Variants in P2RY6 observed in about 807,000 individuals in gnomAD.
The protein encoded by P2RY6 is P2Y purinoceptor 6.
A neutral mutation model predicts 16.3 loss-of-function variants in P2RY6; 19 were observed. The ratio of observed to expected loss-of-function variants is 1.16; its 90% CI spans 0.81 to 1.71. The LOEUF is 1.71. Among genes scored for constraint, P2RY6 ranks in the 40% most tolerant of loss-of-function variants. The pLI, the probability that P2RY6 is intolerant of heterozygous loss-of-function variation, is 0.00. For synonymous variants in P2RY6, 184 were observed against 201.5 expected (o/e 0.91, Z 0.74); for missense variants, 389 against 455.5 (o/e 0.85, Z 1.33).
Position 73,295,379 on chromosome 11 carries a change from T to C in P2RY6, c.-120-351T>C, listed in dbSNP as rs114720533. On this transcript the variant is annotated intron_variant, in intron 1 of 2. Transcript: ENST00000540124. ...AGCATGGAAGTGGGGGAGCAACATT[T>C]AAACCCAGGCCTGCCTAGCTCTGAA... is the stretch of plus-strand genomic sequence containing the variant. Among the ~76,000 whole-genome samples, 1,170 of 152,318 alleles carry C rather than the reference T, an allele frequency of 7.7e-3. 13 individuals carry two copies. The highest frequency in any genetic ancestry group is 0.025 in the African/African-American group (1,053 of 41,560).
upstream of P2RY6, among the ~76,000 whole-genome samples, chr11:73,269,102 G>T (rs117267386): frequency 3.3e-5 from 5 of 152,352 alleles, no homozygotes; most frequent in South Asian, 1.0e-3. Flanking sequence ...GGGGTAGGAC[G>T]TGAAGGTCAG....
upstream of P2RY6, among the ~76,000 whole-genome samples, chr11:73,271,008 C>T (rs1863281399): frequency 6.6e-6 from 1 of 152,222 alleles, no homozygotes; most frequent in Non-Finnish European, 1.5e-5. Flanking sequence ...AAACTAATCT[C>T]CCCTGCTAGA....
rs568889461 is a variant in P2RY6 at position 73,293,097 on chromosome 11, T to TA, written c.-120-2626dup. Among the ~76,000 whole-genome samples, 40 of 151,760 alleles carry TA rather than the reference T, an allele frequency of 2.6e-4. No homozygotes were observed. The South Asian group carries it at 7.5e-3, about 29-fold the overall frequency. ...AAGGGATTCCACCCAGCTGGGGGGATAAAAAAAGGAAGAAGCAAGGTGAGA... is the reference window on the plus strand; with the variant it reads ...AAGGGATTCCACCCAGCTGGGGGGATAAAAAAAAGGAAGAAGCAAGGTGAGA... On this transcript the variant is annotated intron_variant, in intron 1 of 2. Coordinates refer to ENST00000540124, the MANE Select transcript of P2RY6 (RefSeq NM_001277204.2).
chr11:73,266,115 A>G (rs1327442522), intron 1 of P2RY6, among the ~76,000 whole-genome samples: 1 of 152,162 alleles, frequency 6.6e-6, no homozygotes, highest in East Asian at 1.9e-4. Flanking sequence ...AGTGATTCCA[A>G]TAAGCTGTGT....
At chr11:73,286,763 G>A (rs116837995) in intron 1 of P2RY6, among the ~76,000 whole-genome samples, 1,907 of 152,178 alleles carry the variant, frequency 0.013, 46 homozygotes, top group African/African-American at 0.044. Context: ...AGGAAAGGGA[G>A]GGAGTCTGAC....
rs753716744 is a variant in P2RY6, at chr11:73,297,432, A to G, written c.914A>G (p.Gln305Arg). The G allele has an allele frequency of 3.1e-6, 5 of 1,612,442 alleles. No homozygotes were observed. In the Admixed American group the frequency reaches 6.7e-5, roughly 21 times the overall value. ...GACCCCATCCTCTTCTACTTCACCCAGAAGAAGTTCCGCCGGCGACCACAT... is the reference window on the plus strand; with the variant it reads ...GACCCCATCCTCTTCTACTTCACCCGGAAGAAGTTCCGCCGGCGACCACAT... ...VLDPILFYFT[Q>R]KKFRRRPHEL... The change falls in exon 3 of 3, where the codon CAG (glutamine) becomes CGG (arginine). Residue 305 changes from glutamine (Q) to arginine (R), a missense_variant. Physicochemically the swap from Gln to Arg is conservative, Grantham distance 43. Transcript: ENST00000540124.
upstream of P2RY6, chr11:73,271,626 A>G (rs1019221433): frequency 3.9e-5 from 6 of 152,324 alleles, no homozygotes; most frequent in Admixed American, 2.6e-4. Flanking sequence ...CAGGGGTCGA[A>G]TTTTAACTAC....
chr11:73,297,925 T>G lies in P2RY6; in HGVS notation c.*420T>G. ...TGGGTTTTGAGGGATGATTATGAGC[T>G]CTCTGGAGAGGAGTGATATTCCATT... On this transcript the variant is annotated 3_prime_UTR_variant, in exon 3 of 3. Transcript: ENST00000540124. The G allele has an allele frequency of 4.8e-6, 1 of 207,950 alleles. No individual in the cohort carries two copies. Among genetic ancestry groups the G allele is most frequent in the South Asian group, 1.3e-4 (1 of 7,456 alleles). The allele number at this position is 207,950 out of a possible 1,614,324, so 12.9% of individuals were successfully genotyped here. A position where few individuals can be genotyped will look rare whatever the true frequency, so the allele number is the denominator to read the frequency against.
At chr11:73,276,512 A>G (rs1054207749) in intron 1 of P2RY6, among the ~76,000 whole-genome samples, 6 of 152,256 alleles carry the variant, frequency 3.9e-5, no homozygotes, top group African/African-American at 1.2e-4. Flanking sequence ...GCTTATCCAT[A>G]TAATGGAATA....
intron 1 of P2RY6, among the ~76,000 whole-genome samples, chr11:73,277,319 G>A (rs569899300): frequency 3.7e-4 from 40 of 106,966 alleles, no homozygotes; most frequent in Non-Finnish European, 5.8e-4. Flanking sequence ...TCACCATGTT[G>A]GCCAGGCCAG....
chr11:73,288,287 C>T (rs1000018897), intron 1 of P2RY6, among the ~76,000 whole-genome samples: 2 of 152,232 alleles, frequency 1.3e-5, no homozygotes, highest in Non-Finnish European at 2.9e-5. Context: ...CAAGTTCCAT[C>T]TTTGCTAAGC....
At chr11:73,275,075 G>A (rs1863482469) in intron 1 of P2RY6, among the ~76,000 whole-genome samples, 1 of 152,220 alleles carries the variant, frequency 6.6e-6, no homozygotes, top group South Asian at 2.1e-4. Flanking sequence ...GCAGTCATTT[G>A]GTCTACGGAG....
intron 1 of P2RY6, among the ~76,000 whole-genome samples, chr11:73,272,906 G>C (rs997641233): frequency 6.6e-6 from 1 of 152,120 alleles, no homozygotes; most frequent in Non-Finnish European, 1.5e-5. Flanking sequence ...TATCTGGAGA[G>C]GGGTCCTCAC....
At chr11:73,293,206 G>A (rs886897701) in intron 1 of P2RY6, among the ~76,000 whole-genome samples, 3 of 152,170 alleles carry the variant, frequency 2.0e-5, no homozygotes, top group Non-Finnish European at 4.4e-5. Context: ...GTGGAGATGG[G>A]GAGGCTGGAA....
intron 1 of P2RY6, chr11:73,292,726 G>A (rs1010630521): frequency 3.5e-6 from 3 of 859,870 alleles, no homozygotes; most frequent in Non-Finnish European, 4.2e-6. Context: ...TGTTGGGGAT[G>A]GCAGGGAGCC....
At chr11:73,287,260 T>C (rs547108821) in intron 1 of P2RY6, among the ~76,000 whole-genome samples, 16 of 152,340 alleles carry the variant, frequency 1.1e-4, no homozygotes, top group African/African-American at 3.4e-4. Context: ...CTACTAACTT[T>C]GCAAATATTG....
Position 73,296,994 on chromosome 11 carries a change from G to A in P2RY6, c.476G>A (p.Cys159Tyr), listed in dbSNP as rs1217695408. ...VAVWLAVTTQ[C>Y]LPTAIFAATG... ...GTGTGGCTGGCCGTGACAACCCAGT[G>A]CCTGCCCACAGCCATCTTCGCTGCC... The change falls in exon 3 of 3, where the codon TGC (cysteine) becomes TAC (tyrosine). Residue 159 changes from cysteine to tyrosine, a missense_variant. Coordinates refer to ENST00000540124, the MANE Select transcript of P2RY6 (RefSeq NM_001277204.2). 1 of 1,601,368 alleles carries A rather than the reference G, an allele frequency of 6.2e-7. No homozygotes were observed. The highest frequency in any genetic ancestry group is 1.1e-5 in the South Asian group (1 of 91,090).
intron 1 of P2RY6, among the ~76,000 whole-genome samples, chr11:73,279,644 T>G (rs1264260027): frequency 1.3e-5 from 2 of 152,212 alleles, no homozygotes; most frequent in Non-Finnish European, 2.9e-5. Flanking sequence ...GCACCAGTCT[T>G]CCATGGTCTG....
rs1233089643 is a variant in P2RY6, at chr11:73,273,900, T to C, written c.-121+1434T>C. Among the ~76,000 whole-genome samples, 6 of 152,316 alleles carry C rather than the reference T, an allele frequency of 3.9e-5. No homozygotes were observed. The East Asian group carries it at 1.2e-3, about 29-fold the overall frequency. On this transcript the variant is annotated intron_variant, in intron 1 of 2. Transcript: ENST00000540124. Reference sequence around the variant, plus strand: ...CACCCAGGTTGGAGTACAGTGGCACTGTCATTGCTTACTGTAACCTTGAAC... The same window carrying C: ...CACCCAGGTTGGAGTACAGTGGCACCGTCATTGCTTACTGTAACCTTGAAC...
Sources: gnomAD v4.1 joint callset for allele counts (sites outside exome capture counted in the v4.1 genomes callset) on GRCh38, gnomAD v4.1.1 for gene constraint, MANE v1.5 for transcripts, NCBI Gene and HGNC (gene_info 2026-07-23, HGNC 2026-07-21) for gene names.